The following CCDC50 variants were observed in gnomAD, a reference collection of about 807,000 sequenced individuals.
CCDC50 encodes coiled-coil domain-containing protein 50.
In CCDC50, 54 loss-of-function variants were observed where a neutral mutation model predicts 70.2. The ratio of observed to expected loss-of-function variants is 0.77; its 90% CI spans 0.62 to 0.96. The LOEUF (loss-of-function observed/expected upper bound fraction) is 0.96, where lower values mean the gene tolerates loss of function less well. CCDC50 is among the 50% of genes least tolerant of loss of function. CCDC50 has a pLI of 0.00. For missense variants in CCDC50, 558 were observed against 578.7 expected (o/e 0.96, Z 0.37); for synonymous variants, 216 against 198.8 (o/e 1.09, Z -0.73).
In CCDC50 at chr3:191,394,783, A is replaced by G. The variant is rs543418681; in HGVS notation, c.*3023A>G. 2.6e-5 allele frequency: 4 copies of G among 152,290 alleles called. No individual in the cohort carries two copies. In the East Asian group the frequency reaches 7.7e-4, roughly 29 times the overall value. 9.4% of individuals were successfully genotyped at this position (152,290 alleles called of 1,614,324 possible). On this transcript the variant is annotated 3_prime_UTR_variant, in exon 12 of 12. Coordinates refer to ENST00000392455, the MANE Select transcript of CCDC50 (RefSeq NM_178335.3). ...AATTAAATGTTTTGACTTGAAAAAT[A>G]TTTGACTTTTGCGTTCAAACCACTG... is the stretch of plus-strand genomic sequence containing the variant.
intron 10 of CCDC50, 64 bp from the exon 11 acceptor site, chr3:191,389,432 A>AT (rs1713605291): frequency 1.5e-6 from 2 of 1,333,644 alleles, no homozygotes; most frequent in African/African-American, 2.9e-5. Context: ...GCAATCCAGT[A>AT]AGAGGGGTGG....
At chr3:191,344,620 G>A (rs1711847103) in intron 1 of CCDC50, among the ~76,000 whole-genome samples, 1 of 152,026 alleles carries the variant, frequency 6.6e-6, no homozygotes, top group African/African-American at 2.4e-5. Context: ...GCTCTGTCAC[G>A]CAGGCTGGAT....
Position 191,357,223 on chromosome 3 carries a change from G to T in CCDC50, c.112+73G>T, listed in dbSNP as rs1520203. The T allele has an allele frequency of 0.35, 432,147 of 1,217,412 alleles. 77,905 individuals carry two copies. Among genetic ancestry groups the T allele is most frequent in the African/African-American group, 0.4 (26,525 of 66,550 alleles). The allele number at this position is 1,217,412 out of a possible 1,614,324, so 75.4% of individuals were successfully genotyped here. On this transcript the variant is annotated intron_variant, in intron 2 of 11. Coordinates refer to ENST00000392455, the MANE Select transcript of CCDC50 (RefSeq NM_178335.3). ...GGTAGCTTGAGGCTGGTTTCTTAGG[G>T]CTTAGGTGGGGAGAGAGCACAGTCA...
At position 191,394,506 on chromosome 3, in the gene CCDC50, C is replaced by T. The variant is rs748961629; in HGVS notation, c.*2746C>T. 2.0e-5 allele frequency: 3 copies of T among 152,068 alleles called. No individual in the cohort carries two copies. The highest frequency in any genetic ancestry group is 2.9e-5 in the Non-Finnish European group (2 of 67,990). 9.4% of individuals were successfully genotyped at this position (152,068 alleles called of 1,614,324 possible). A position where few individuals can be genotyped will look rare whatever the true frequency, so the allele number is the denominator to read the frequency against. ...GTTGTTGTTGTTCCTGCTGCTAGAA[C>T]ACATGCAGTTTAATTTTTAGGCCCA... On this transcript the variant is annotated 3_prime_UTR_variant, in exon 12 of 12. Coordinates refer to ENST00000392455, the MANE Select transcript of CCDC50 (RefSeq NM_178335.3).
In CCDC50 at chr3:191,375,426, C is replaced by T. The variant is rs776585001; in HGVS notation, c.813C>T (p.His271=). 1.2e-6 allele frequency: 2 copies of T among 1,613,738 alleles called. No individual in the cohort carries two copies. Among genetic ancestry groups the T allele is most frequent in the Admixed American group, 1.7e-5 (1 of 59,946 alleles). ...QTRNWEKQSR[H]QDRLSPKSSQ... ...GAAATTGGGAAAAACAGTCTCGACA[C>T]CAAGATCGACTTTCACCCAAGTCCT... Residue 271 remains histidine (H), a synonymous_variant, in exon 6 of 12, where the codon CAC becomes CAT. Coordinates refer to ENST00000392455, the MANE Select transcript of CCDC50 (RefSeq NM_178335.3).
At position 191,349,033 on chromosome 3, in the gene CCDC50, G is replaced by A. The variant is rs976923357; in HGVS notation, c.50-8055G>A. On this transcript the variant is annotated intron_variant, in intron 1 of 11. Coordinates refer to ENST00000392455, the MANE Select transcript of CCDC50 (RefSeq NM_178335.3). ...GGGGTATTTGAGTGAGCATAAGAGC[G>A]TGTCTGCTGTCTATAGCCAAGCATC... 8.5e-5 allele frequency among the ~76,000 whole-genome samples: 12 copies of A among 141,876 alleles called. 3 individuals are homozygous for A. The highest frequency in any genetic ancestry group is 3.0e-4 in the African/African-American group (12 of 39,766). The allele number at this position is 141,876 out of a possible 152,430, so 93.1% of individuals were successfully genotyped here.
intron 1 of CCDC50, among the ~76,000 whole-genome samples, chr3:191,353,784 G>A (rs1031470142): frequency 2.8e-5 from 3 of 106,604 alleles, no homozygotes; most frequent in African/African-American, 6.0e-5. Context: ...AGTAACCTCC[G>A]AAGGGCAAAG....
In CCDC50 at chr3:191,390,690, G is replaced by T. The variant is rs530852279; in HGVS notation, c.1430-1051G>T. Among the ~76,000 whole-genome samples the T allele has an allele frequency of 4.6e-5, 7 of 152,250 alleles. No individual in the cohort carries two copies. In the South Asian group the frequency reaches 1.5e-3, roughly 32 times the overall value. ...ATAATGAGCAGTGAGGACAACCAGA[G>T]TTCAGATTTGTCACCCTCTTGGTTT... On this transcript the variant is annotated intron_variant, in intron 11 of 11. Coordinates refer to ENST00000392455, the MANE Select transcript of CCDC50 (RefSeq NM_178335.3).
rs764573591 is a variant in CCDC50, at chr3:191,398,108, TGTG to T, written c.*6352_*6354del. ...TGACCTCATTGAGGAAAATGAGAAT[TGTG>T]GTGCTGGTGACTTTCATGTGTCTTG... On this transcript the variant is annotated 3_prime_UTR_variant, in exon 12 of 12. Transcript: ENST00000392455. 6.6e-6 allele frequency: 1 copy of T among 152,206 alleles called. No homozygotes were observed. Among genetic ancestry groups the T allele is most frequent in the Non-Finnish European group, 1.5e-5 (1 of 68,044 alleles). 9.4% of individuals were successfully genotyped at this position (152,206 alleles called of 1,614,324 possible).
intron 5 of CCDC50, among the ~76,000 whole-genome samples, chr3:191,373,818 T>G (rs1044462943): frequency 6.6e-6 from 1 of 152,136 alleles, no homozygotes; most frequent in Non-Finnish European, 1.5e-5. Flanking sequence ...CTTTCTTTTC[T>G]TCTGGAAAGC....
At chr3:191,362,110 G>A (rs1712510930) in intron 4 of CCDC50, among the ~76,000 whole-genome samples, 1 of 152,034 alleles carries the variant, frequency 6.6e-6, no homozygotes, top group South Asian at 2.1e-4. Context: ...ATTTCCTTTT[G>A]TGTTATTATT....
In CCDC50 at chr3:191,364,027, A is replaced by G. The variant is rs973727927; in HGVS notation, c.330+2868A>G. Among the ~76,000 whole-genome samples, 12 of 152,020 alleles carry G rather than the reference A, an allele frequency of 7.9e-5. 1 individual carries two copies. The highest frequency in any genetic ancestry group is 7.2e-4 in the Admixed American group (11 of 15,260). On this transcript the variant is annotated intron_variant, in intron 4 of 11. Coordinates refer to ENST00000392455, the MANE Select transcript of CCDC50 (RefSeq NM_178335.3). The stretch of plus-strand genomic sequence containing the variant: ...ACAGTAGTGCTAACTCTTCCGGCCA[A>G]TTTTTGAAAAAGAATTGCTTGTGAC...
intron 6 of CCDC50, among the ~76,000 whole-genome samples, chr3:191,376,361 G>C (rs1388328799): frequency 6.6e-6 from 1 of 152,050 alleles, no homozygotes; most frequent in Non-Finnish European, 1.5e-5. Flanking sequence ...ATAAGAATGA[G>C]GTAAATATTA....
intron 4 of CCDC50, among the ~76,000 whole-genome samples, chr3:191,363,317 A>G (rs1028899779): frequency 6.6e-6 from 1 of 152,158 alleles, no homozygotes; most frequent in African/African-American, 2.4e-5. Flanking sequence ...AGGTCTCCTG[A>G]CTGCTTCTGA....
intron 1 of CCDC50, among the ~76,000 whole-genome samples, chr3:191,344,828 C>T (rs1490293260): frequency 1.3e-5 from 2 of 152,184 alleles, no homozygotes; most frequent in African/African-American, 4.8e-5. Flanking sequence ...TTCTGCCCAC[C>T]TCGGCATCCC....
chr3:191,358,148 G>T (rs1218920420), intron 3 of CCDC50, 24 bp downstream of exon 3: 1 of 1,613,542 alleles, frequency 6.2e-7, no homozygotes, highest in Non-Finnish European at 8.5e-7. Context: ...AGGTGGGAGG[G>T]GTGATGCAAG....
chr3:191,380,562 A>C (rs1713281841), intron 7 of CCDC50, 125 bp from the exon 8 acceptor site: 2 of 938,084 alleles, frequency 2.1e-6, no homozygotes, highest in South Asian at 2.8e-5. Context: ...ATACCAACTG[A>C]TTATCAACCT....
intron 1 of CCDC50, among the ~76,000 whole-genome samples, chr3:191,331,478 C>T (rs1208030055): frequency 2.0e-5 from 3 of 152,122 alleles, no homozygotes; most frequent in East Asian, 1.9e-4. Context: ...TTTAAATTAG[C>T]TTTCATTTTG....
intron 1 of CCDC50, among the ~76,000 whole-genome samples, chr3:191,335,199 AC>A (rs1006311668): frequency 6.6e-6 from 1 of 152,206 alleles, no homozygotes; most frequent in African/African-American, 2.4e-5. Context: ...TATGGAGACC[AC>A]TAAACTTAAG....
Sources: allele counts gnomAD v4.1 joint callset (sites outside exome capture counted in the v4.1 genomes callset), GRCh38; gene constraint gnomAD v4.1.1; transcripts MANE v1.5; gene names NCBI Gene and HGNC (gene_info 2026-07-23, HGNC 2026-07-21).